The following MFN1 variants were observed in gnomAD, a reference collection of about 807,000 sequenced individuals.
The protein encoded by MFN1 is mitofusin 1, also known as mitofusin-1.
A neutral mutation model predicts 92.4 loss-of-function variants in MFN1; 65 were observed. That is an observed-to-expected ratio of 0.70 (90% CI 0.58 to 0.86). The LOEUF is 0.86. Ranked by LOEUF, MFN1 falls within the 40% of genes least tolerant of loss-of-function variation. The pLI is 0.00. For missense variants in MFN1, 781 were observed against 868.0 expected, an observed-to-expected ratio of 0.90 and a Z score of 1.26; for synonymous variants, 297 against 300.9, an observed-to-expected ratio of 0.99 and a Z score of 0.13.
intron 3 of MFN1, among the ~76,000 whole-genome samples, chr3:179,353,590 G>A (rs1712239515): frequency 6.6e-6 from 1 of 152,122 alleles, no homozygotes; most frequent in South Asian, 2.1e-4. Context: ...GCAGTGATCA[G>A]GTACGTCTTC....
Position 179,377,052 on chromosome 3 carries a change from G to T in MFN1, c.1108G>T (p.Val370Leu), listed in dbSNP as rs759901191. Reference sequence around the variant, plus strand: ...TTTATACTGAAATAGGCATTATTCAGTGGAAGAGAGGGAAGACCAAATTGA... The same window carrying T: ...TTTATACTGAAATAGGCATTATTCATTGGAAGAGAGGGAAGACCAAATTGA... The part of the protein sequence containing the change: ...LAAEDKRHYS[V>L]EEREDQIDRL... The change falls in exon 11 of 18, where the codon GTG becomes TTG. Residue 370 changes from valine to leucine, a missense_variant. By Grantham distance (32) the Val-to-Leu change is conservative (BLOSUM62 1). Coordinates refer to ENST00000471841, the MANE Select transcript of MFN1 (RefSeq NM_033540.3). 2.5e-6 allele frequency: 4 copies of T among 1,613,714 alleles called. No individual in the cohort carries two copies. Among genetic ancestry groups the T allele is most frequent in the Non-Finnish European group, 3.4e-6 (4 of 1,179,852 alleles).
intron 3 of MFN1, among the ~76,000 whole-genome samples, chr3:179,355,381 C>T (rs189248353): frequency 1.3e-5 from 2 of 152,224 alleles, no homozygotes; most frequent in East Asian, 1.9e-4. Flanking sequence ...TTTTAACCAG[C>T]CCCTGTTCAA....
Position 179,375,204 on chromosome 3 carries a change from C to G in MFN1, c.976-16C>G. On this transcript the variant is annotated splice_polypyrimidine_tract_variant and intron_variant, in intron 9 of 17. Transcript: ENST00000471841. ...ATGGAATTACAGTAATGTGTTACGG[C>G]TTGGGCCCCTCGCAGGAGTGTATCT... is the stretch of plus-strand genomic sequence containing the variant. 5 of 1,604,196 alleles carry G rather than the reference C, an allele frequency of 3.1e-6. No individual in the cohort carries two copies. The highest frequency in any genetic ancestry group is 4.3e-6 in the Non-Finnish European group (5 of 1,176,342).
intron 5 of MFN1, among the ~76,000 whole-genome samples, chr3:179,363,649 G>A (rs983524875): frequency 2.6e-5 from 4 of 151,810 alleles, no homozygotes; most frequent in African/African-American, 4.8e-5. Context: ...ATGCCACCAA[G>A]CCTAGCTAAT....
At chr3:179,365,095 G>A in intron 6 of MFN1, 23 bp from the exon 7 acceptor site, 1 of 1,314,908 alleles carries the variant, frequency 7.6e-7, no homozygotes, top group Non-Finnish European at 1.0e-6. Context: ...TGAATGTACT[G>A]TGGGGTTTTT....
At chr3:179,368,509 T>A (rs1712893969) in intron 9 of MFN1, among the ~76,000 whole-genome samples, 1 of 152,218 alleles carries the variant, frequency 6.6e-6, no homozygotes, top group Non-Finnish European at 1.5e-5. Context: ...AATAGAAGTA[T>A]ACAAAACATG....
intron 4 of MFN1, among the ~76,000 whole-genome samples, chr3:179,360,697 T>G (rs1712541806): frequency 6.6e-6 from 1 of 152,190 alleles, no homozygotes; most frequent in African/African-American, 2.4e-5. Flanking sequence ...AGTTCAGTGC[T>G]TGATGATCCA....
intron 4 of MFN1, among the ~76,000 whole-genome samples, chr3:179,361,735 T>A (rs931064948): frequency 2.6e-5 from 4 of 152,152 alleles, no homozygotes; most frequent in Admixed American, 2.0e-4. Context: ...CAGGGTTTCA[T>A]GATGTTGTCC....
chr3:179,368,566 C>T (rs1052243361), intron 9 of MFN1, among the ~76,000 whole-genome samples: 1 of 152,154 alleles, frequency 6.6e-6, no homozygotes, highest in African/African-American at 2.4e-5. Context: ...TACTGTGTTA[C>T]CACATGTCCA....
intron 7 of MFN1, among the ~76,000 whole-genome samples, chr3:179,365,690 G>C (rs186517647): frequency 1.8e-4 from 27 of 152,230 alleles, no homozygotes; most frequent in African/African-American, 6.5e-4. Flanking sequence ...TACTTCCCAA[G>C]GAGAAATTAT....
Position 179,368,073 on chromosome 3 carries a change from G to A in MFN1, c.945G>A (p.Gln315=), listed in dbSNP as rs781255059. ...ALAEGFHARL[Q]EFQNFEQIFE... ...CTGAAGGATTTCATGCAAGATTACA[G>A]GAATTTCAGAATTTTGAACAAATCT... Residue 315 remains glutamine, a synonymous_variant, in exon 9 of 18, where the codon CAG becomes CAA. Coordinates refer to ENST00000471841, the MANE Select transcript of MFN1 (RefSeq NM_033540.3). The A allele has an allele frequency of 6.4e-7, 1 of 1,574,476 alleles. No homozygotes were observed. The highest frequency in any genetic ancestry group is 1.2e-5 in the South Asian group (1 of 85,942).
chr3:179,381,853 C>A (rs115674494), intron 14 of MFN1, among the ~76,000 whole-genome samples: 2,210 of 152,230 alleles, frequency 0.015, 59 homozygotes, highest in South Asian at 0.11. Context: ...ATGAAATATT[C>A]AAAAATCCTA....
chr3:179,375,466 T>C, intron 10 of MFN1, 125 bp downstream of exon 10: 1 of 1,108,260 alleles, frequency 9.0e-7, no homozygotes, highest in Non-Finnish European at 1.3e-6. Context: ...TGGGTTTAAC[T>C]GATGCCTACT....
chr3:179,385,664 A>C lies in MFN1; in HGVS notation c.1758A>C (p.Thr586=), dbSNP rs1713656279. 6.2e-7 allele frequency: 1 copy of C among 1,613,768 alleles called. No individual in the cohort carries two copies. The highest frequency in any genetic ancestry group is 8.5e-7 in the Non-Finnish European group (1 of 1,179,850). ...AAGAACTCATGATTACATTAGTAACAGGATTGGCGTCCGTTACATCTAGAA... is the reference window on the plus strand; with the variant it reads ...AAGAACTCATGATTACATTAGTAACCGGATTGGCGTCCGTTACATCTAGAA... ...SQEELMITLV[T]GLASVTSRTS... The change falls in exon 15 of 18, where the codon ACA becomes ACC. Residue 586 remains threonine (T), a synonymous_variant. Transcript: ENST00000471841.
Position 179,383,560 on chromosome 3 carries a change from T to C in MFN1, c.1663-2009T>C, listed in dbSNP as rs553002861. Among the ~76,000 whole-genome samples, 5 of 152,366 alleles carry C rather than the reference T, an allele frequency of 3.3e-5. No homozygotes were observed. In the South Asian group the frequency reaches 1.0e-3, roughly 32 times the overall value. ...GATTGACTTGGCAATGCGGGCTCTT[T>C]TTTGGTTCCATATGAACTTTAAAGT... On this transcript the variant is annotated intron_variant, in intron 14 of 17. Coordinates refer to ENST00000471841, the MANE Select transcript of MFN1 (RefSeq NM_033540.3).
chr3:179,375,057 T>A (rs536394438), intron 9 of MFN1, among the ~76,000 whole-genome samples, 163 bp from the exon 10 acceptor site: 1 of 152,366 alleles, frequency 6.6e-6, no homozygotes, highest in African/African-American at 2.4e-5. Flanking sequence ...ATCTTTGTAT[T>A]TTTTTCACCT....
intron 3 of MFN1, among the ~76,000 whole-genome samples, chr3:179,354,556 G>C (rs141003557): frequency 2.0e-5 from 3 of 152,280 alleles, no homozygotes; most frequent in African/African-American, 7.2e-5. Flanking sequence ...CCAAGAGAGG[G>C]TTCTTGGACC....
At chr3:179,389,391 C>G (rs1713815305) in intron 16 of MFN1, among the ~76,000 whole-genome samples, 1 of 151,264 alleles carries the variant, frequency 6.6e-6, no homozygotes, top group South Asian at 2.1e-4. Flanking sequence ...ACTTGATCCT[C>G]TTTCTTAGAA....
chr3:179,356,924 G>C (rs9822271), intron 3 of MFN1, among the ~76,000 whole-genome samples: 4,875 of 152,032 alleles, frequency 0.032, 256 homozygotes, highest in African/African-American at 0.11. Flanking sequence ...ATGAGGAGAT[G>C]GGGGGGAACC....
Sources: gnomAD v4.1 joint callset for allele counts (sites outside exome capture counted in the v4.1 genomes callset) on GRCh38, gnomAD v4.1.1 for gene constraint, MANE v1.5 for transcripts, NCBI Gene and HGNC (gene_info 2026-07-23, HGNC 2026-07-21) for gene names.